The following GALNTL6 variants were observed in gnomAD, a reference collection of about 807,000 sequenced individuals.
GALNTL6 encodes polypeptide N-acetylgalactosaminyltransferase-like 6.
In GALNTL6, 46 loss-of-function variants were observed where a neutral mutation model predicts 73.7. That is an observed-to-expected ratio of 0.62 (90% CI 0.49 to 0.80). The LOEUF (loss-of-function observed/expected upper bound fraction) is 0.80, where lower values mean the gene tolerates loss of function less well. GALNTL6 is among the 30% of genes least tolerant of loss of function. GALNTL6 has a pLI of 0.00. For synonymous variants in GALNTL6, 259 were observed against 263.7 expected (o/e 0.98, Z 0.17); for missense variants, 604 against 755.0 (o/e 0.80, Z 2.34).
At chr4:172,132,716 T>C (rs147705598) in intron 2 of GALNTL6, among the ~76,000 whole-genome samples, 2 of 152,172 alleles carry the variant, frequency 1.3e-5, no homozygotes, top group African/African-American at 4.8e-5. Context: ...TATTGGAACC[T>C]TTCAGTGTTT....
chr4:172,115,499 T>TGCA (rs1732962858), intron 2 of GALNTL6, among the ~76,000 whole-genome samples: 1 of 152,142 alleles, frequency 6.6e-6, no homozygotes, highest in East Asian at 1.9e-4. Flanking sequence ...ACTTTTTTAG[T>TGCA]GCAATATGGT....
Position 172,798,778 on chromosome 4 carries a change from G to T in GALNTL6, c.554-10583G>T, listed in dbSNP as rs555160605. Among the ~76,000 whole-genome samples the T allele has an allele frequency of 4.6e-5, 7 of 152,292 alleles. No homozygotes were observed. The East Asian group carries it at 1.4e-3, about 29-fold the overall frequency. ...ATGTTTGGCAAAAAACAATAAGAAG[G>T]TGGTGAAGTAGTTGGAGATTTGTGA... On this transcript the variant is annotated intron_variant, in intron 5 of 12. Coordinates refer to ENST00000506823, the MANE Select transcript of GALNTL6 (RefSeq NM_001034845.3).
At chr4:172,796,947 C>G (rs1445132403) in intron 5 of GALNTL6, among the ~76,000 whole-genome samples, 3 of 152,264 alleles carry the variant, frequency 2.0e-5, no homozygotes, top group African/African-American at 7.2e-5. Flanking sequence ...TCAGGCCAAA[C>G]CACACAGGTC....
At chr4:172,199,681 T>C (rs1735893485) in intron 2 of GALNTL6, among the ~76,000 whole-genome samples, 1 of 152,178 alleles carries the variant, frequency 6.6e-6, no homozygotes, top group Non-Finnish European at 1.5e-5. Context: ...CATTGCAAGA[T>C]AAAGTTGACA....
At chr4:172,984,414 GC>G (rs971539110) in intron 10 of GALNTL6, among the ~76,000 whole-genome samples, 4 of 152,132 alleles carry the variant, frequency 2.6e-5, no homozygotes, top group African/African-American at 4.8e-5. Context: ...GGGGGAAACC[GC>G]CCCCATGATT....
intron 2 of GALNTL6, among the ~76,000 whole-genome samples, chr4:171,939,174 T>C (rs868690601): frequency 3.3e-5 from 5 of 152,188 alleles, no homozygotes; most frequent in South Asian, 4.1e-4. Flanking sequence ...ATTTGCTTTA[T>C]TTTATGTTAC....
chr4:172,014,290 C>A (rs1050959842), intron 2 of GALNTL6, among the ~76,000 whole-genome samples: 5 of 151,858 alleles, frequency 3.3e-5, no homozygotes, highest in Non-Finnish European at 7.4e-5. Flanking sequence ...TTTTGAGGAA[C>A]CTCCATTCTG....
chr4:172,456,731 G>A (rs1732413664), intron 5 of GALNTL6, among the ~76,000 whole-genome samples: 1 of 152,092 alleles, frequency 6.6e-6, no homozygotes, highest in Non-Finnish European at 1.5e-5. Flanking sequence ...TTTGATTGGT[G>A]TACCTGAAAG....
intron 5 of GALNTL6, among the ~76,000 whole-genome samples, chr4:172,706,325 C>T (rs1560893652): frequency 6.6e-6 from 1 of 151,976 alleles, no homozygotes; most frequent in Non-Finnish European, 1.5e-5. Flanking sequence ...ATTTCAAAAT[C>T]TTTGTTAAAT....
At position 173,021,605 on chromosome 4, in the gene GALNTL6, C is replaced by A; in HGVS notation, c.1618C>A (p.Gln540Lys). The stretch of plus-strand genomic sequence containing the variant: ...TGACTGTCATGGCATGAAGGGGAAC[C>A]AGCTCTGGGGATACCGGAAGGTAAG... ...LYDCHGMKGN[Q>K]LWGYRKDRTL... The change falls in exon 12 of 13, where the codon CAG becomes AAG. Residue 540 changes from glutamine to lysine, a missense_variant. Coordinates refer to ENST00000506823, the MANE Select transcript of GALNTL6 (RefSeq NM_001034845.3). The A allele has an allele frequency of 6.2e-7, 1 of 1,614,096 alleles. No homozygotes were observed. Among genetic ancestry groups the A allele is most frequent in the Non-Finnish European group, 8.5e-7 (1 of 1,180,000 alleles).
rs113798439 is a variant in GALNTL6 at position 172,490,425 on chromosome 4, T to G, written c.553+141736T>G. On this transcript the variant is annotated intron_variant, in intron 5 of 12. Transcript: ENST00000506823. ...TCTAATATGTTACTGGAAGAAATTT[T>G]CTGCATTTTTAAAGCCCTAAAGTAT... Among the ~76,000 whole-genome samples, 1,124 of 152,290 alleles carry G rather than the reference T, an allele frequency of 7.4e-3. 18 individuals carry two copies. The highest frequency in any genetic ancestry group is 0.025 in the African/African-American group (1,056 of 41,580).
intron 5 of GALNTL6, among the ~76,000 whole-genome samples, chr4:172,480,976 G>T (rs1055014875): frequency 1.3e-5 from 2 of 152,194 alleles, no homozygotes; most frequent in Admixed American, 1.3e-4. Flanking sequence ...ATATTTATTG[G>T]TCAAAGCAAG....
rs200298978 is a variant in GALNTL6 at position 172,335,050 on chromosome 4, T to G, written c.387-13473T>G. Among the ~76,000 whole-genome samples, 116 of 151,742 alleles carry G rather than the reference T, an allele frequency of 7.6e-4. 1 individual carries two copies. The South Asian group carries it at 0.015, about 20-fold the overall frequency. On this transcript the variant is annotated intron_variant, in intron 4 of 12. Coordinates refer to ENST00000506823, the MANE Select transcript of GALNTL6 (RefSeq NM_001034845.3). ...GGCTGGAGTGCAGTGGCACGATCTC[T>G]GCCCACTGCAAGCTCCGCCTCCCAG...
chr4:172,860,097 A>G (rs910881835), intron 7 of GALNTL6, among the ~76,000 whole-genome samples: 20 of 152,306 alleles, frequency 1.3e-4, no homozygotes, highest in Non-Finnish European at 1.3e-4. Context: ...CTTCCATGAA[A>G]TTGGTCCCTG....
At chr4:172,806,624 C>T (rs953109550) in intron 5 of GALNTL6, among the ~76,000 whole-genome samples, 2 of 152,150 alleles carry the variant, frequency 1.3e-5, no homozygotes, top group Non-Finnish European at 2.9e-5. Flanking sequence ...AAGAGAGGCC[C>T]CTTTAGTCCT....
intron 5 of GALNTL6, among the ~76,000 whole-genome samples, chr4:172,390,237 G>T (rs1316119012): frequency 6.6e-6 from 1 of 152,032 alleles, no homozygotes; most frequent in East Asian, 1.9e-4. Flanking sequence ...AGCTATGTTT[G>T]CAATTGATGC....
chr4:171,829,310 A>G (rs1411172308), intron 2 of GALNTL6, among the ~76,000 whole-genome samples: 1 of 152,044 alleles, frequency 6.6e-6, no homozygotes, highest in African/African-American at 2.4e-5. Context: ...GCTTGCTCTC[A>G]AGTTCACCCT....
At chr4:172,439,300 G>A (rs555526729) in intron 5 of GALNTL6, among the ~76,000 whole-genome samples, 15 of 151,720 alleles carry the variant, frequency 9.9e-5, no homozygotes, top group African/African-American at 3.4e-4. Context: ...AAGATCACCA[G>A]TGACCCCCCA....
intron 2 of GALNTL6, among the ~76,000 whole-genome samples, chr4:172,091,881 A>G (rs1283509050): frequency 6.6e-6 from 1 of 152,206 alleles, no homozygotes; most frequent in African/African-American, 2.4e-5. Flanking sequence ...TTAAACAAAA[A>G]AGTCATAAAT....
Sources: gnomAD v4.1 joint callset for allele counts (sites outside exome capture counted in the v4.1 genomes callset) on GRCh38, gnomAD v4.1.1 for gene constraint, MANE v1.5 for transcripts, NCBI Gene and HGNC (gene_info 2026-07-23, HGNC 2026-07-21) for gene names.